The following ADAMTS18 variants were observed in gnomAD, a reference collection of about 807,000 sequenced individuals.
ADAMTS18 encodes ADAM metallopeptidase with thrombospondin type 1 motif 18.
ADAMTS18 carries 157 observed loss-of-function variants against 165.9 expected under a neutral mutation model. The observed-to-expected ratio is 0.95, with a 90% CI of 0.83 to 1.08. The LOEUF (loss-of-function observed/expected upper bound fraction) is 1.08, where lower values mean the gene tolerates loss of function less well. Among genes scored for constraint, ADAMTS18 ranks in the 50% least tolerant of loss-of-function variants. The pLI is 0.00. For missense variants in ADAMTS18, 2,040 were observed against 1,534.0 expected, an observed-to-expected ratio of 1.33 and a Z score of -5.51; for synonymous variants, 782 against 578.2, an observed-to-expected ratio of 1.35 and a Z score of -5.06.
intron 12 of ADAMTS18, among the ~76,000 whole-genome samples, chr16:77,332,524 T>C (rs963733365): frequency 3.3e-5 from 5 of 152,164 alleles, no homozygotes; most frequent in Admixed American, 3.3e-4. Flanking sequence ...CATTTTTTTA[T>C]ACATAAACCC....
At position 77,321,176 on chromosome 16, in the gene ADAMTS18, G is replaced by A. The variant is rs114794731; in HGVS notation, c.2190C>T (p.Gly730=). Residue 730 remains glycine, a synonymous_variant, in exon 15 of 23, where the codon GGC becomes GGT. Transcript: ENST00000282849. ...CACAAGCATCTGAAACTGCTTTAGA[G>A]CCTAGTTCATGATCACATCCCACTA... ...CELVGCDHEL[G]SKAVSDACGV... is the part of the protein sequence containing the mutation. The A allele has an allele frequency of 1.3e-3, 2,103 of 1,614,128 alleles. 27 individuals are homozygous for A. In the African/African-American group the frequency reaches 0.025, roughly 19 times the overall value.
chr16:77,285,048 C>T (rs986492238), intron 22 of ADAMTS18, among the ~76,000 whole-genome samples: 1 of 152,100 alleles, frequency 6.6e-6, no homozygotes, highest in Non-Finnish European at 1.5e-5. Flanking sequence ...GTTCAATGAG[C>T]AGGACAGATG....
At chr16:77,361,108 A>G (rs1256119054) in intron 7 of ADAMTS18, among the ~76,000 whole-genome samples, 4 of 152,168 alleles carry the variant, frequency 2.6e-5, no homozygotes, top group Non-Finnish European at 5.9e-5. Flanking sequence ...AAAAATTCAT[A>G]AAGTTTTATT....
chr16:77,417,639 T>C (rs1964520409), intron 3 of ADAMTS18, among the ~76,000 whole-genome samples: 2 of 152,206 alleles, frequency 1.3e-5, no homozygotes, highest in South Asian at 4.1e-4. Flanking sequence ...ATGGCGACTA[T>C]TTTTAAAAGA....
chr16:77,423,806 G>T (rs550141054), intron 3 of ADAMTS18, among the ~76,000 whole-genome samples: 1 of 152,006 alleles, frequency 6.6e-6, no homozygotes, highest in Non-Finnish European at 1.5e-5. Flanking sequence ...AAACATTCCC[G>T]CAAGCAGAAT....
rs757756104 is a variant in ADAMTS18 at position 77,321,170 on chromosome 16, T to G, written c.2196A>C (p.Lys732Asn). The G allele has an allele frequency of 1.9e-6, 3 of 1,614,194 alleles. No homozygotes were observed. In the Admixed American group the frequency reaches 5.0e-5, roughly 27 times the overall value. Residue 732 changes from lysine (K) to asparagine (N), a missense_variant, in exon 15 of 23, where the codon AAA (lysine) becomes AAC (asparagine). Transcript: ENST00000282849. ...AAACGCCACAAGCATCTGAAACTGCTTTAGAGCCTAGTTCATGATCACATC... is the reference window on the plus strand; with the variant it reads ...AAACGCCACAAGCATCTGAAACTGCGTTAGAGCCTAGTTCATGATCACATC... The part of the protein sequence containing the change: ...LVGCDHELGS[K>N]AVSDACGVCK...
chr16:77,340,329 C>A (rs2056379516), intron 11 of ADAMTS18, among the ~76,000 whole-genome samples: 1 of 152,090 alleles, frequency 6.6e-6, no homozygotes, highest in South Asian at 2.1e-4. Flanking sequence ...TGTGTGCCAC[C>A]ACGCCCAGCA....
Position 77,283,813 on chromosome 16 carries a change from T to A in ADAMTS18, c.*143A>T. The A allele has an allele frequency of 1.5e-6, 1 of 673,258 alleles. No individual in the cohort carries two copies. The highest frequency in any genetic ancestry group is 2.7e-6 in the Non-Finnish European group (1 of 376,094). The allele number at this position is 673,258 out of a possible 1,614,324, so 41.7% of individuals were successfully genotyped here. ...GCTAGAAGCCTACTGGCAACCTGTC[T>A]GTTCCTCAGAGCAGGCTCCTTCATC... On this transcript the variant is annotated 3_prime_UTR_variant, in exon 23 of 23. Transcript: ENST00000282849.
At chr16:77,341,675 A>G (rs755689454) in intron 11 of ADAMTS18, 29 bp downstream of exon 11, 16 of 1,578,062 alleles carry the variant, frequency 1.0e-5, no homozygotes, top group Non-Finnish European at 1.4e-5. Flanking sequence ...AAATTTCTGG[A>G]GCTAAAAACT....
In ADAMTS18 at chr16:77,367,421, GA is replaced by G. The variant is rs1206613737; in HGVS notation, c.778+19del. The G allele has an allele frequency of 6.2e-7, 1 of 1,613,958 alleles. No individual in the cohort carries two copies. The highest frequency in any genetic ancestry group is 8.5e-7 in the Non-Finnish European group (1 of 1,180,004). On this transcript the variant is annotated intron_variant, in intron 4 of 22. Coordinates refer to ENST00000282849, the MANE Select transcript of ADAMTS18 (RefSeq NM_199355.4). ...CGAGGCCCACATAAGAACAGAAAAA[GA>G]AAAAGTTTCCTTACATACATTTCTT...
intron 16 of ADAMTS18, among the ~76,000 whole-genome samples, chr16:77,302,004 C>CT (rs4038557): frequency 0.11 from 14,065 of 128,542 alleles, 793 homozygotes; most frequent in East Asian, 0.2. Context: ...CTAGTCTTTG[C>CT]TTTTTTTTTT....
At chr16:77,355,532 C>T (rs1425223562) in intron 9 of ADAMTS18, among the ~76,000 whole-genome samples, 1 of 152,084 alleles carries the variant, frequency 6.6e-6, no homozygotes, top group Admixed American at 6.5e-5. Context: ...AGTAAAAAGA[C>T]AATATACCTA....
chr16:77,321,475 G>C (rs1176209683), intron 14 of ADAMTS18, among the ~76,000 whole-genome samples: 5 of 152,146 alleles, frequency 3.3e-5, no homozygotes, highest in Non-Finnish European at 5.9e-5. Flanking sequence ...ACTAATACCA[G>C]CTGAGATTAT....
chr16:77,353,168 C>T (rs971836995), intron 10 of ADAMTS18, among the ~76,000 whole-genome samples: 1 of 152,120 alleles, frequency 6.6e-6, no homozygotes, highest in Non-Finnish European at 1.5e-5. Flanking sequence ...CATTCTTGAC[C>T]AAGTGTAACA....
chr16:77,391,199 T>C (rs888207047), intron 3 of ADAMTS18, among the ~76,000 whole-genome samples: 1 of 152,130 alleles, frequency 6.6e-6, no homozygotes, highest in Non-Finnish European at 1.5e-5. Context: ...AAGTCCTTTG[T>C]TTTATATAAG....
chr16:77,285,237 A>T (rs2055225277), intron 22 of ADAMTS18, among the ~76,000 whole-genome samples: 1 of 152,106 alleles, frequency 6.6e-6, no homozygotes, highest in Non-Finnish European at 1.5e-5. Context: ...CAATGGTATA[A>T]TCTCGGCTCA....
chr16:77,287,005 G>A (rs2055266299), intron 22 of ADAMTS18, among the ~76,000 whole-genome samples: 1 of 152,160 alleles, frequency 6.6e-6, no homozygotes, highest in Non-Finnish European at 1.5e-5. Context: ...CTCAGTATGG[G>A]CAGGGATCTG....
In ADAMTS18 at chr16:77,398,627, T is replaced by G. The variant is rs189556392; in HGVS notation, c.496-30904A>C. On this transcript the variant is annotated intron_variant, in intron 3 of 22. Transcript: ENST00000282849. Reference sequence around the variant, plus strand: ...GTTGACATTTTGGGTCAGGTAAGTCTTTGCTGTTGGGGGTTGGGGGCTGTC... The same window carrying G: ...GTTGACATTTTGGGTCAGGTAAGTCGTTGCTGTTGGGGGTTGGGGGCTGTC... Among the ~76,000 whole-genome samples, 4 of 152,278 alleles carry G rather than the reference T, an allele frequency of 2.6e-5. No homozygotes were observed. In the East Asian group the frequency reaches 7.7e-4, roughly 29 times the overall value.
chr16:77,345,993 C>G (rs1390683118), intron 10 of ADAMTS18, among the ~76,000 whole-genome samples: 1 of 152,216 alleles, frequency 6.6e-6, no homozygotes, highest in Non-Finnish European at 1.5e-5. Context: ...CTTGCTCACT[C>G]TGGTTTAGCC....
Sources: allele counts gnomAD v4.1 joint callset (sites outside exome capture counted in the v4.1 genomes callset), GRCh38; gene constraint gnomAD v4.1.1; transcripts MANE v1.5; gene names NCBI Gene and HGNC (gene_info 2026-07-23, HGNC 2026-07-21).